TRPM3: variants seen among roughly 807,000 people sequenced by gnomAD.
TRPM3 encodes transient receptor potential cation channel subfamily M member 3.
In TRPM3, 77 loss-of-function variants were observed where a neutral mutation model predicts 181.2. The observed-to-expected ratio is 0.42, with a 90% CI of 0.35 to 0.51. The LOEUF is 0.51. TRPM3 is among the 20% of genes least tolerant of loss of function. The pLI, the probability that TRPM3 is intolerant of heterozygous loss-of-function variation, is 0.01. For missense variants in TRPM3, 1,759 were observed against 2,196.7 expected (o/e 0.80, Z 3.98); for synonymous variants, 745 against 796.4 (o/e 0.94, Z 1.09).
At chr9:71,390,323 A>T (rs1283154633) in intron 1 of TRPM3, among the ~76,000 whole-genome samples, 2 of 152,068 alleles carry the variant, frequency 1.3e-5, no homozygotes, top group African/African-American at 4.8e-5. Flanking sequence ...ACTTAATGGT[A>T]AATTCACTGT....
intron 1 of TRPM3, among the ~76,000 whole-genome samples, chr9:70,994,055 C>G (rs989539716): frequency 6.6e-6 from 1 of 152,078 alleles, no homozygotes; most frequent in African/African-American, 2.4e-5. Context: ...CTATGTTCAC[C>G]CACAAGCACT....
chr9:70,538,203 TC>T (rs2131600499), intron 25 of TRPM3, among the ~76,000 whole-genome samples: 1 of 152,350 alleles, frequency 6.6e-6, no homozygotes, highest in South Asian at 2.1e-4. Flanking sequence ...TCTCTCCCTC[TC>T]TGGTTAGCTG....
intron 22 of TRPM3, among the ~76,000 whole-genome samples, chr9:70,565,178 G>A (rs1359580834): frequency 6.6e-6 from 1 of 152,184 alleles, no homozygotes; most frequent in African/African-American, 2.4e-5. Flanking sequence ...ATAGTTGGGT[G>A]ACAGCACACC....
upstream of TRPM3, among the ~76,000 whole-genome samples, chr9:71,126,056 G>A (rs537738241): frequency 7.2e-5 from 11 of 152,220 alleles, no homozygotes; most frequent in East Asian, 1.7e-3. Context: ...TAGAAAGGGG[G>A]CAAAGGACAT....
At chr9:70,647,593 CA>C (rs1179240733) in intron 9 of TRPM3, among the ~76,000 whole-genome samples, 1 of 152,078 alleles carries the variant, frequency 6.6e-6, no homozygotes, top group Non-Finnish European at 1.5e-5. Flanking sequence ...TCATACTGAA[CA>C]GGCGAAAGCT....
chr9:70,938,981 A>G (rs1348692823), intron 1 of TRPM3, among the ~76,000 whole-genome samples: 2 of 151,706 alleles, frequency 1.3e-5, no homozygotes, highest in South Asian at 2.1e-4. Context: ...AAAATAAAAA[A>G]TAAAAAAATA....
At chr9:71,134,254 T>C (rs1428778599) in intron 1 of TRPM3, among the ~76,000 whole-genome samples, 1 of 152,110 alleles carries the variant, frequency 6.6e-6, no homozygotes, top group Non-Finnish European at 1.5e-5. Flanking sequence ...TGTGGCTTCA[T>C]ATTTCCAAAT....
At chr9:70,596,712 CAA>C (rs33932883) in intron 21 of TRPM3, among the ~76,000 whole-genome samples, 247 of 132,052 alleles carry the variant, frequency 1.9e-3, no homozygotes, top group Middle Eastern at 4.0e-3. Context: ...AAAACACTGT[CAA>C]AAAAAAAAAA....
intron 20 of TRPM3, among the ~76,000 whole-genome samples, chr9:70,602,815 C>T (rs1270309484): frequency 6.6e-6 from 1 of 152,170 alleles, no homozygotes; most frequent in Non-Finnish European, 1.5e-5. Context: ...CCTGAAGGAT[C>T]TGTGTTCAGT....
At chr9:71,227,128 A>G (rs1017783919) in intron 1 of TRPM3, among the ~76,000 whole-genome samples, 2 of 150,926 alleles carry the variant, frequency 1.3e-5, no homozygotes, top group Non-Finnish European at 3.0e-5. Context: ...AAAAAAAAAA[A>G]AAAGAGAGAA....
intron 9 of TRPM3, among the ~76,000 whole-genome samples, chr9:70,654,093 A>C (rs1265779856): frequency 6.7e-6 from 1 of 150,226 alleles, no homozygotes; most frequent in Non-Finnish European, 1.5e-5. Context: ...TCTTCCTTGG[A>C]AGTTGTTGTT....
At chr9:71,151,024 A>T (rs961533513) in intron 1 of TRPM3, among the ~76,000 whole-genome samples, 5 of 152,204 alleles carry the variant, frequency 3.3e-5, no homozygotes, top group African/African-American at 9.6e-5. Context: ...TCTGGCAAAA[A>T]TTCAGATTTG....
chr9:70,860,773 C>G (rs1265897452), intron 3 of TRPM3, among the ~76,000 whole-genome samples: 1 of 152,078 alleles, frequency 6.6e-6, no homozygotes, highest in Non-Finnish European at 1.5e-5. Context: ...GAGACTGAAG[C>G]AAATAATAGT....
At position 71,394,001 on chromosome 9, in the gene TRPM3, ATG is replaced by A. The variant is rs577736165; in HGVS notation, c.183+52650_183+52651del. Among the ~76,000 whole-genome samples the A allele has an allele frequency of 3.8e-3, 572 of 152,320 alleles. 1 individual carries two copies. The highest frequency in any genetic ancestry group is 6.8e-3 in the Middle Eastern group (2 of 294). ...ACCGCTTTACAATACAGAAAAAAAA[ATG>A]TGTATTGTGTATGTACACACGTCTG... is the stretch of plus-strand genomic sequence containing the variant. On this transcript the variant is annotated intron_variant, in intron 1 of 24. Coordinates refer to the TRPM3 transcript ENST00000357533.
chr9:71,284,843 T>C (rs1386136997), intron 1 of TRPM3, among the ~76,000 whole-genome samples: 1 of 152,190 alleles, frequency 6.6e-6, no homozygotes, highest in Non-Finnish European at 1.5e-5. Flanking sequence ...CTCTGCAAAA[T>C]GCTATAAAAG....
intron 1 of TRPM3, among the ~76,000 whole-genome samples, chr9:71,445,924 A>G (rs2094197644): frequency 1.3e-5 from 2 of 152,220 alleles, no homozygotes; most frequent in Admixed American, 1.3e-4. Context: ...GGGATAAAGG[A>G]AAACATAATA....
At chr9:71,173,042 CAT>C (rs1301596931) in intron 1 of TRPM3, among the ~76,000 whole-genome samples, 2 of 152,152 alleles carry the variant, frequency 1.3e-5, no homozygotes, top group Non-Finnish European at 1.5e-5. Context: ...TCCCACAACT[CAT>C]AAAGTCTTCC....
At position 71,080,751 on chromosome 9, in the gene TRPM3, T is replaced by C. The variant is rs922465617; in HGVS notation, c.177+40427A>G. ...AGGAAGTGCAACATTAAATAGCAAA[T>C]AAAAACACCATGACAGGTTGAGGGA... is the stretch of plus-strand genomic sequence containing the variant. On this transcript the variant is annotated intron_variant, in intron 1 of 25. Coordinates refer to ENST00000677713, the MANE Select transcript of TRPM3 (RefSeq NM_001366145.2). Among the ~76,000 whole-genome samples the C allele has an allele frequency of 9.2e-5, 14 of 152,118 alleles. 1 individual carries two copies. The highest frequency in any genetic ancestry group is 3.1e-4 in the African/African-American group (13 of 41,500).
At chr9:70,929,456 C>A (rs2096753574) in intron 1 of TRPM3, among the ~76,000 whole-genome samples, 1 of 152,144 alleles carries the variant, frequency 6.6e-6, no homozygotes, top group African/African-American at 2.4e-5. Context: ...CCCACCTCGG[C>A]CTCCCAAAGT....
Sources: allele counts gnomAD v4.1 joint callset (sites outside exome capture counted in the v4.1 genomes callset), GRCh38; gene constraint gnomAD v4.1.1; transcripts MANE v1.5; gene names NCBI Gene and HGNC (gene_info 2026-07-23, HGNC 2026-07-21).